ZMYM3: variants seen among roughly 807,000 people sequenced by gnomAD.
ZMYM3 encodes zinc finger MYM-type containing 3, also known as zinc finger MYM-type protein 3.
In ZMYM3, 6 loss-of-function variants were observed where a neutral mutation model predicts 94.2. The ratio of observed to expected loss-of-function variants is 0.06; its 90% confidence interval spans 0.03 to 0.13. The LOEUF is 0.13. ZMYM3 is among the 10% of genes least tolerant of loss of function. The pLI is 1.00. For synonymous variants in ZMYM3, 420 were observed against 426.5 expected (o/e 0.98, Z 0.19); for missense variants, 664 against 1,132.6 (o/e 0.59, Z 5.94).
rs375673042 is a variant in ZMYM3 at position 71,250,416 on chromosome X, C to G, written c.1073+16G>C. ...AGATCCCTGCCCTCTGCATAGCCCC[C>G]AAGACCCTCACGCACTTCTTGCAGA... On this transcript the variant is annotated intron_variant, in intron 5 of 24. Coordinates refer to ENST00000314425, the MANE Select transcript of ZMYM3 (RefSeq NM_201599.3). 4.2e-6 allele frequency: 5 copies of G among 1,192,274 alleles called. No individual in the cohort carries two copies. The African/African-American group carries it at 8.8e-5, about 21-fold the overall frequency.
In ZMYM3 at chrX:71,248,234, G is replaced by A; in HGVS notation, c.1903C>T (p.His635Tyr). The A allele has an allele frequency of 8.3e-7, 1 of 1,209,937 alleles. No individual in the cohort carries two copies. Among genetic ancestry groups the A allele is most frequent in the Non-Finnish European group, 1.1e-6 (1 of 894,500 alleles). The change falls in exon 11 of 25, where the codon CAC (histidine) becomes TAC (tyrosine). Residue 635 changes from histidine to tyrosine, a missense_variant. Physicochemically the swap from His to Tyr is moderately conservative, Grantham distance 83 (BLOSUM62 2). Around this residue, in one of 9 missense-constraint regions of ZMYM3, gnomAD observed 159 missense variants for 313.0 expected, o/e 0.51. Coordinates refer to ENST00000314425, the MANE Select transcript of ZMYM3 (RefSeq NM_201599.3). ...TGCAAGAGTTTCTCCTGCCGACAGT[G>A]CTCACACTGGGACACCACACCCCGA... is the stretch of plus-strand genomic sequence containing the variant. ...RLRGVVSQCEHCRQEKLLHEK... is the reference protein window; with the variant it reads ...RLRGVVSQCEYCRQEKLLHEK...
At position 71,244,332 on chromosome X, in the gene ZMYM3, T is replaced by A. The variant is rs1409911747; in HGVS notation, c.3250A>T (p.Thr1084Ser). ...WVQSKYANGE[T>S]SKGDELRFGP... The stretch of plus-strand genomic sequence containing the variant: ...AAGCGCAGCTCATCACCCTTGCTGG[T>A]TTCTCCATTGGCATATTTTGACTGC... The change falls in exon 20 of 25, where the codon ACC (threonine) becomes TCC (serine). Residue 1084 changes from threonine (T) to serine (S), a missense_variant. Transcript: ENST00000314425. 2.5e-6 allele frequency: 3 copies of A among 1,203,710 alleles called. No individual in the cohort carries two copies. The African/African-American group carries it at 5.4e-5, about 22-fold the overall frequency.
At chrX:71,249,777 A>G (rs2030363345) in intron 6 of ZMYM3, 98 bp from the exon 7 acceptor site, 1 of 1,123,773 alleles carries the variant, frequency 8.9e-7, no homozygotes, top group Non-Finnish European at 1.2e-6. Context: ...CCTTCACAGC[A>G]GACAGTGGGC....
At position 71,250,094 on chromosome X, in the gene ZMYM3, G is replaced by T. The variant is rs1200245844; in HGVS notation, c.1183C>A (p.Arg395Ser). Residue 395 changes from arginine (R) to serine (S), a missense_variant, in exon 6 of 25, where the codon CGC (arginine) becomes AGC (serine). Coordinates refer to ENST00000314425, the MANE Select transcript of ZMYM3 (RefSeq NM_201599.3). ...GGATCCCCAGACTGGGGGATCGGGC[G>T]CTGCTGCTGGGCCTCATACAGGGAG... ...CLSLYEAQQQ[R>S]PIPQSGDPAD... The T allele has an allele frequency of 3.3e-6, 4 of 1,205,284 alleles. No homozygotes were observed. The highest frequency in any genetic ancestry group is 4.5e-6 in the Non-Finnish European group (4 of 893,170).
chrX:71,253,127 T>C lies in ZMYM3; in HGVS notation c.129A>G (p.Arg43=). ...DLLESQTAPT[R]GWAPPGPSPS... Reference sequence around the variant, plus strand: ...GAGAAGGGCCAGGGGGGGCCCATCCTCGAGTTGGGGCAGTCTGGGATTCCA... The same window carrying C: ...GAGAAGGGCCAGGGGGGGCCCATCCCCGAGTTGGGGCAGTCTGGGATTCCA... Residue 43 remains arginine, a synonymous_variant, in exon 2 of 25, where the codon CGA becomes CGG. Coordinates refer to ENST00000314425, the MANE Select transcript of ZMYM3 (RefSeq NM_201599.3). 8.3e-7 allele frequency: 1 copy of C among 1,205,356 alleles called. No homozygotes were observed. The highest frequency in any genetic ancestry group is 1.1e-6 in the Non-Finnish European group (1 of 892,144).
Position 71,252,896 on chromosome X carries a change from G to T in ZMYM3, c.360C>A (p.Thr120=). 1 of 1,210,557 alleles carries T rather than the reference G, an allele frequency of 8.3e-7. No homozygotes were observed. Among genetic ancestry groups the T allele is most frequent in the South Asian group, 1.8e-5 (1 of 56,719 alleles). ...QTLEPGPGGQ[T]PEVVPPDPGA... is the part of the protein sequence containing the mutation. Reference sequence around the variant, plus strand: ...CTGGATCAGGTGGTACCACCTCAGGGGTCTGGCCCCCTGGTCCAGGCTCTA... The same window carrying T: ...CTGGATCAGGTGGTACCACCTCAGGTGTCTGGCCCCCTGGTCCAGGCTCTA... The change falls in exon 2 of 25, where the codon ACC becomes ACA. Residue 120 remains threonine, a synonymous_variant. Coordinates refer to ENST00000314425, the MANE Select transcript of ZMYM3 (RefSeq NM_201599.3).
At position 71,252,958 on chromosome X, in the gene ZMYM3, C is replaced by T; in HGVS notation, c.298G>A (p.Glu100Lys). Residue 100 changes from glutamate (E) to lysine (K), a missense_variant, in exon 2 of 25, where the codon GAG becomes AAG. Physicochemically the swap from Glu to Lys is moderately conservative, Grantham distance 56. Around this residue, in one of 9 missense-constraint regions of ZMYM3, gnomAD observed 196 missense variants for 190.8 expected, o/e 1.03. Transcript: ENST00000314425. ...CCTGCATCCCATGCCAGGGTTCCCT[C>T]AGGACCGTGGTCCACCTCCGGGGGA... ...PSPPEVDHGP[E>K]GTLAWDAGDQ... 1 of 1,211,715 alleles carries T rather than the reference C, an allele frequency of 8.3e-7. No homozygotes were observed. Among genetic ancestry groups the T allele is most frequent in the South Asian group, 1.8e-5 (1 of 56,980 alleles).
At chrX:71,252,391 T>C (rs1478808677) in intron 2 of ZMYM3, among the ~76,000 whole-genome samples, 198 bp downstream of exon 2, 1 of 87,177 alleles carries the variant, frequency 1.1e-5, no homozygotes, top group Non-Finnish European at 2.2e-5. Flanking sequence ...CCACAGCCTG[T>C]GCCCACCCCT....
In ZMYM3 at chrX:71,253,190, T is replaced by C; in HGVS notation, c.66A>G (p.Gly22=). 1 of 1,196,146 alleles carries C rather than the reference T, an allele frequency of 8.4e-7. No homozygotes were observed. The highest frequency in any genetic ancestry group is 1.1e-6 in the Non-Finnish European group (1 of 888,122). ...PLTLPEKPLA[G]DLPVDMEFGE... ...CAAATTCCATGTCTACTGGTAGGTC[T>C]CCAGCCAGGGGCTTCTCTGGCAGGG... Residue 22 remains glycine (G), a synonymous_variant, in exon 2 of 25, where the codon GGA becomes GGG. Transcript: ENST00000314425.
chrX:71,252,934 C>T lies in ZMYM3; in HGVS notation c.322G>A (p.Gly108Arg), dbSNP rs991130136. ...GGTCCAGGCTCTAGGGTCTGATCTC[C>T]TGCATCCCATGCCAGGGTTCCCTCA... is the stretch of plus-strand genomic sequence containing the variant. ...GPEGTLAWDA[G>R]DQTLEPGPGG... Residue 108 changes from glycine to arginine, a missense_variant, in exon 2 of 25, where the codon GGA becomes AGA. Around this residue, in one of 9 missense-constraint regions of ZMYM3, gnomAD observed 196 missense variants for 190.8 expected, o/e 1.03. Coordinates refer to ENST00000314425, the MANE Select transcript of ZMYM3 (RefSeq NM_201599.3). 3 of 1,210,435 alleles carry T rather than the reference C, an allele frequency of 2.5e-6. No homozygotes were observed. The African/African-American group carries it at 5.2e-5, about 21-fold the overall frequency.
Position 71,253,407 on chromosome X carries a change from G to A in ZMYM3, c.-19-133C>T, listed in dbSNP as rs775297518. The A allele has an allele frequency of 1.7e-4, 88 of 504,648 alleles. No individual in the cohort carries two copies. The African/African-American group carries it at 2.2e-3, about 13-fold the overall frequency. The allele number at this position is 504,648 out of a possible 1,213,427, so 41.6% of individuals were successfully genotyped here. On this transcript the variant is annotated intron_variant, in intron 1 of 24. Coordinates refer to ENST00000314425, the MANE Select transcript of ZMYM3 (RefSeq NM_201599.3). ...CAGCCCCCACCACCACAATCTACAA[G>A]CATTTCCGAAGGCTTTAGTCCTAAT...
chrX:71,251,313 T>C (rs1292378875), intron 3 of ZMYM3, 69 bp from the exon 4 acceptor site: 2 of 429,854 alleles, frequency 4.7e-6, no homozygotes, highest in Non-Finnish European at 6.8e-6. Context: ...GTACAGGGTT[T>C]GGGGGGGGAT....
chrX:71,242,173 G>C lies in ZMYM3; in HGVS notation c.3799C>G (p.Arg1267Gly), dbSNP rs770807026. 8.5e-7 allele frequency: 1 copy of C among 1,181,543 alleles called. No individual in the cohort carries two copies. Among genetic ancestry groups the C allele is most frequent in the Non-Finnish European group, 1.1e-6 (1 of 880,205 alleles). Residue 1267 changes from arginine to glycine, a missense_variant, in exon 23 of 25, where the codon CGA becomes GGA. Arg to Gly is a moderately radical substitution (Grantham distance 125). Transcript: ENST00000314425. ...YYAPVRQRKG[R>G]DTGPGKRKRE... ...AGGGGAGGGGGCAGCCTCGTACCTC[G>C]CCCTTTCCTCTGGCGGACTGGGGCA...
chrX:71,248,562 G>A (rs756404969), intron 9 of ZMYM3, 38 bp from the exon 10 acceptor site: 3 of 1,179,728 alleles, frequency 2.5e-6, no homozygotes, highest in Admixed American at 2.2e-5. Flanking sequence ...GGGGCAAGAT[G>A]TGTGCAGCGG....
In ZMYM3 at chrX:71,242,367, AC is replaced by A; in HGVS notation, c.3604del (p.Val1202SerfsTer52). On this transcript the variant is annotated frameshift_variant, in exon 23 of 25. Transcript: ENST00000314425. LOFTEE classifies it high-confidence loss of function. ...GTTGAGGAGGACAAAGGGCGAGTAG[AC>A]CCCCAGTTGCTTACACTCCCAGAGG... Reference protein sequence around the residue: ...EHLWECKQLGVYSPFVLLNTL... With the variant: ...EHLWECKQLGXYSPFVLLNTL... The A allele has an allele frequency of 8.3e-7, 1 of 1,210,377 alleles. No individual in the cohort carries two copies. Among genetic ancestry groups the A allele is most frequent in the Non-Finnish European group, 1.1e-6 (1 of 895,109 alleles).
chrX:71,247,935 C>A, intron 11 of ZMYM3, 29 bp from the exon 12 acceptor site: 2 of 1,162,464 alleles, frequency 1.7e-6, no homozygotes, highest in South Asian at 2.0e-5. Flanking sequence ...GAAAGAGAGT[C>A]CAGAGACACA....
chrX:71,254,365 G>C (rs2148004941), upstream of ZMYM3: 1 of 112,582 alleles, frequency 8.9e-6, no homozygotes, highest in South Asian at 3.7e-4. Flanking sequence ...AGAAGGAAAA[G>C]ATAGCCTCTG....
intron 1 of ZMYM3, among the ~76,000 whole-genome samples, 154 bp from the exon 2 acceptor site, chrX:71,253,428 C>T (rs994617018): frequency 4.3e-4 from 47 of 108,246 alleles, no homozygotes; most frequent in Admixed American, 2.8e-3. Context: ...GGCTTTAGTC[C>T]TAATGACCAC....
At chrX:71,252,453 C>G in intron 2 of ZMYM3, 136 bp downstream of exon 2, 2 of 647,140 alleles carry the variant, frequency 3.1e-6, no homozygotes, top group Non-Finnish European at 4.2e-6. Flanking sequence ...TCGTAAACCC[C>G]AAGTCCTTCC....
Sources: allele counts gnomAD v4.1 joint callset (sites outside exome capture counted in the v4.1 genomes callset), GRCh38; gene constraint gnomAD v4.1.1; regional missense constraint gnomAD v4.1.1; transcripts MANE v1.5; gene names NCBI Gene and HGNC (gene_info 2026-07-23, HGNC 2026-07-21).